GRIN2B: variants seen among roughly 807,000 people sequenced by gnomAD.
GRIN2B encodes the protein glutamate receptor ionotropic, NMDA 2B.
In GRIN2B, 5 loss-of-function variants were observed where a neutral mutation model predicts 114.5. The ratio of observed to expected loss-of-function variants is 0.04; its 90% CI spans 0.02 to 0.09. The LOEUF (loss-of-function observed/expected upper bound fraction) is 0.09. Ranked by LOEUF, GRIN2B falls within the 10% of genes least tolerant of loss-of-function variation. The probability of loss-of-function intolerance (pLI) is 1.00; values close to 1 mark genes in which losing one functional copy is unlikely to be tolerated. For missense variants in GRIN2B, 1,108 were observed against 1,943.5 expected, an observed-to-expected ratio of 0.57 and a Z score of 8.08; for synonymous variants, 787 against 745.1, an observed-to-expected ratio of 1.06 and a Z score of -0.92.
At chr12:13,597,848 T>C (rs896223788) in intron 10 of GRIN2B, among the ~76,000 whole-genome samples, 2 of 152,228 alleles carry the variant, frequency 1.3e-5, no homozygotes, top group South Asian at 2.1e-4. Context: ...AAGAGTTTAA[T>C]AGTAGGCTTG....
In GRIN2B at chr12:13,551,599, C is replaced by T. The variant is rs376545965; in HGVS notation, c.*11184G>A. The T allele has an allele frequency of 6.6e-6, 1 of 152,156 alleles. No homozygotes were observed. Among genetic ancestry groups the T allele is most frequent in the Non-Finnish European group, 1.5e-5 (1 of 68,030 alleles). 9.4% of individuals were successfully genotyped at this position (152,156 alleles called of 1,614,324 possible). A position where few individuals can be genotyped will look rare whatever the true frequency, so the allele number is the denominator to read the frequency against. On this transcript the variant is annotated 3_prime_UTR_variant, in exon 14 of 14. Coordinates refer to ENST00000609686, the MANE Select transcript of GRIN2B (RefSeq NM_000834.5). ...CTCTTTATCCCATTCTAAATGAACA[C>T]TTTCATCTACCATAACATGATTGAC... is the stretch of plus-strand genomic sequence containing the variant.
At chr12:13,887,874 G>A (rs1218556790) in intron 2 of GRIN2B, among the ~76,000 whole-genome samples, 1 of 152,182 alleles carries the variant, frequency 6.6e-6, no homozygotes, top group African/African-American at 2.4e-5. Context: ...TCTAAAATGG[G>A]AAGAAAACTG....
chr12:13,569,753 GAAGAA>G, intron 12 of GRIN2B, 72 bp downstream of exon 12: 1 of 910,378 alleles, frequency 1.1e-6, no homozygotes, highest in African/African-American at 1.7e-5. Context: ...TAAAGAAATG[GAAGAA>G]AAGGAAAGGT....
chr12:13,781,633 T>C (rs949035454), intron 3 of GRIN2B, among the ~76,000 whole-genome samples: 2 of 152,198 alleles, frequency 1.3e-5, no homozygotes, highest in Non-Finnish European at 2.9e-5. Context: ...AGATGTATAA[T>C]GCACCCAGAG....
Position 13,753,601 on chromosome 12 carries a change from T to G in GRIN2B, c.726A>C (p.Glu242Asp). The change falls in exon 4 of 14, where the codon GAA (glutamate) becomes GAC (aspartate). Residue 242 changes from glutamate (E) to aspartate (D), a missense_variant. By Grantham distance (45) the Glu-to-Asp change is conservative. Coordinates refer to ENST00000609686, the MANE Select transcript of GRIN2B (RefSeq NM_000834.5). The surrounding 1 kb of genome is among the most constrained non-coding windows in gnomAD (Gnocchi z 6.2). ...CTKEEATYIF[E>D]VANSVGLTGY... ...CAGTCAGCCCTACTGAGTTGGCCACTTCAAAGATGTAGGTGGCTTCTTCCT... is the reference window on the plus strand; with the variant it reads ...CAGTCAGCCCTACTGAGTTGGCCACGTCAAAGATGTAGGTGGCTTCTTCCT... The G allele has an allele frequency of 6.2e-7, 1 of 1,614,174 alleles. No individual in the cohort carries two copies. Among genetic ancestry groups the G allele is most frequent in the Non-Finnish European group, 8.5e-7 (1 of 1,180,014 alleles).
intron 2 of GRIN2B, among the ~76,000 whole-genome samples, chr12:13,954,802 C>G (rs1867555370): frequency 9.4e-5 from 1 of 10,668 alleles, no homozygotes; most frequent in Admixed American, 7.2e-4. Flanking sequence ...GAGTGAGACT[C>G]CGTCTCAGGA....
intron 4 of GRIN2B, among the ~76,000 whole-genome samples, chr12:13,743,768 A>T (rs1863325184): frequency 6.6e-6 from 1 of 152,220 alleles, no homozygotes; most frequent in African/African-American, 2.4e-5. Flanking sequence ...ATATACAAGA[A>T]GATTATCTGT....
At chr12:13,627,243 C>T (rs535953623) in intron 5 of GRIN2B, among the ~76,000 whole-genome samples, 1 of 152,258 alleles carries the variant, frequency 6.6e-6, no homozygotes, top group African/African-American at 2.4e-5. Flanking sequence ...GGGGCTCAAC[C>T]ACATTCCCAT....
chr12:13,751,284 A>G (rs955738195), intron 4 of GRIN2B, among the ~76,000 whole-genome samples: 1 of 152,226 alleles, frequency 6.6e-6, no homozygotes, highest in Admixed American at 6.5e-5. Flanking sequence ...TTAAAGGAGC[A>G]ATGAAAAGCC....
chr12:13,880,735 C>T (rs1418316977), intron 2 of GRIN2B, among the ~76,000 whole-genome samples: 3 of 152,178 alleles, frequency 2.0e-5, no homozygotes, highest in Admixed American at 1.3e-4. Flanking sequence ...CTTCTCTACA[C>T]GAAAACTTCC....
intron 10 of GRIN2B, among the ~76,000 whole-genome samples, chr12:13,590,961 G>T (rs1214199264): frequency 6.6e-6 from 1 of 152,088 alleles, no homozygotes; most frequent in Non-Finnish European, 1.5e-5. Flanking sequence ...GTGCCTAGGA[G>T]GATGCTGGGA....
chr12:13,803,034 T>C (rs1051068753), intron 3 of GRIN2B, among the ~76,000 whole-genome samples: 5 of 152,194 alleles, frequency 3.3e-5, no homozygotes, highest in African/African-American at 1.2e-4. Flanking sequence ...GAGTATGACA[T>C]GATGAAGACC....
chr12:13,681,215 T>C (rs183986359), intron 4 of GRIN2B, among the ~76,000 whole-genome samples: 6 of 152,280 alleles, frequency 3.9e-5, no homozygotes, highest in African/African-American at 1.4e-4. Context: ...TTAAAATTAA[T>C]ATCTGCTAAT....
At chr12:13,602,769 T>C (rs956559161) in intron 10 of GRIN2B, among the ~76,000 whole-genome samples, 10 of 152,214 alleles carry the variant, frequency 6.6e-5, no homozygotes, top group Admixed American at 6.5e-4. Flanking sequence ...GCCATCCTGA[T>C]TGTACCTCCA....
chr12:13,899,225 T>C (rs950560414), intron 2 of GRIN2B, among the ~76,000 whole-genome samples: 2 of 152,062 alleles, frequency 1.3e-5, no homozygotes, highest in Non-Finnish European at 2.9e-5. Context: ...AAGCCCCCTA[T>C]TGTTTTGAAG....
rs1863526120 is a variant in GRIN2B, at chr12:13,753,551, G to T, written c.776C>A (p.Pro259His). Residue 259 changes from proline to histidine, a missense_variant, in exon 4 of 14, where the codon CCC becomes CAC. Around this residue, in one of 19 missense-constraint regions of GRIN2B, gnomAD observed 199 missense variants for 439.6 expected, o/e 0.45. Coordinates refer to ENST00000609686, the MANE Select transcript of GRIN2B (RefSeq NM_000834.5). The surrounding 1 kb of genome is among the most constrained non-coding windows in gnomAD (Gnocchi z 6.2). ...LTGYGYTWIV[P>H]SLVAGDTDTV... ...GTCTGTATCCCCTGCCACCAGACTG[G>T]GCACGATCCACGTGTAGCCATAGCC... 1 of 1,614,040 alleles carries T rather than the reference G, an allele frequency of 6.2e-7. No individual in the cohort carries two copies. The highest frequency in any genetic ancestry group is 8.5e-7 in the Non-Finnish European group (1 of 1,180,020).
At chr12:13,740,748 G>A (rs1295244786) in intron 4 of GRIN2B, among the ~76,000 whole-genome samples, 1 of 152,208 alleles carries the variant, frequency 6.6e-6, no homozygotes, top group East Asian at 1.9e-4. Context: ...TTTCAGGTAT[G>A]CAAAGACTAC....
At chr12:13,728,349 C>A (rs1017079131) in intron 4 of GRIN2B, among the ~76,000 whole-genome samples, 1 of 152,060 alleles carries the variant, frequency 6.6e-6, no homozygotes, top group African/African-American at 2.4e-5. Context: ...TTTTTTCAAC[C>A]AGTTTTAGAG....
intron 2 of GRIN2B, among the ~76,000 whole-genome samples, chr12:13,961,084 T>C (rs79884608): frequency 1.6e-5 from 2 of 127,096 alleles, no homozygotes; most frequent in African/African-American, 7.3e-5. Context: ...TTCTGACGAC[T>C]TTTTTTTTTT....
Sources: allele counts gnomAD v4.1 joint callset (sites outside exome capture counted in the v4.1 genomes callset), GRCh38; gene constraint gnomAD v4.1.1; regional missense constraint gnomAD v4.1.1; non-coding constraint Gnocchi (gnomAD v3.1); transcripts MANE v1.5; gene names NCBI Gene and HGNC (gene_info 2026-07-23, HGNC 2026-07-21).